The following THRB variants were observed in gnomAD, a reference collection of about 807,000 sequenced individuals.
THRB encodes thyroid hormone receptor beta.
A neutral mutation model predicts 47.8 loss-of-function variants in THRB; 12 were observed. That is an observed-to-expected ratio of 0.25 (90% CI 0.16 to 0.41). The LOEUF is 0.41. Ranked by LOEUF, THRB falls within the 10% of genes least tolerant of loss-of-function variation. THRB has a pLI of 1.00. For missense variants in THRB, 348 were observed against 589.2 expected, an observed-to-expected ratio of 0.59 and a Z score of 4.24; for synonymous variants, 218 against 212.2, an observed-to-expected ratio of 1.03 and a Z score of -0.24.
At chr3:24,162,702 A>G (rs935358206) in intron 5 of THRB, among the ~76,000 whole-genome samples, 2 of 151,368 alleles carry the variant, frequency 1.3e-5, no homozygotes, top group Non-Finnish European at 2.9e-5. Context: ...AAAAAAAAAA[A>G]CTTTGTAGAA....
intron 1 of THRB, among the ~76,000 whole-genome samples, chr3:24,468,858 A>G (rs554387277): frequency 1.3e-5 from 2 of 152,230 alleles, no homozygotes; most frequent in East Asian, 3.9e-4. Context: ...CTTGACGCAT[A>G]GTTGCCACAA....
chr3:24,291,456 G>A (rs2055909308), intron 3 of THRB, among the ~76,000 whole-genome samples: 2 of 151,646 alleles, frequency 1.3e-5, no homozygotes, highest in Non-Finnish European at 2.9e-5. Flanking sequence ...GACCTCCCTT[G>A]GACACCAGAG....
intron 1 of THRB, among the ~76,000 whole-genome samples, chr3:24,440,685 CAGA>C (rs1174433000): frequency 6.6e-6 from 1 of 151,946 alleles, no homozygotes; most frequent in Non-Finnish European, 1.5e-5. Context: ...AATATAATTT[CAGA>C]ATAAAAAGAT....
At chr3:24,398,926 T>C (rs1390320848) in intron 1 of THRB, among the ~76,000 whole-genome samples, 1 of 152,094 alleles carries the variant, frequency 6.6e-6, no homozygotes, top group Non-Finnish European at 1.5e-5. Flanking sequence ...ATGTCCTTTG[T>C]AGGGAGATGG....
At chr3:24,199,954 CT>C (rs2044398987) in intron 4 of THRB, among the ~76,000 whole-genome samples, 2 of 152,166 alleles carry the variant, frequency 1.3e-5, no homozygotes, top group Non-Finnish European at 1.5e-5. Context: ...TGGGAAAATA[CT>C]TTCCGGAGGA....
At chr3:24,251,122 T>C (rs2050625851) in intron 3 of THRB, among the ~76,000 whole-genome samples, 1 of 152,070 alleles carries the variant, frequency 6.6e-6, no homozygotes, top group Non-Finnish European at 1.5e-5. Flanking sequence ...AAAGAGTAAA[T>C]AGAAGCCTTA....
chr3:24,163,004 T>C (rs2039106374), intron 5 of THRB, among the ~76,000 whole-genome samples: 1 of 152,170 alleles, frequency 6.6e-6, no homozygotes, highest in Non-Finnish European at 1.5e-5. Flanking sequence ...TTATCTATTG[T>C]GAATAGATAA....
chr3:24,355,493 A>T (rs1376018045), intron 1 of THRB, among the ~76,000 whole-genome samples: 1 of 152,202 alleles, frequency 6.6e-6, no homozygotes, highest in African/African-American at 2.4e-5. Flanking sequence ...AGTATGTATC[A>T]ATGTTGAATT....
chr3:24,286,311 A>G (rs2055290397), intron 3 of THRB, among the ~76,000 whole-genome samples: 1 of 152,222 alleles, frequency 6.6e-6, no homozygotes, highest in Admixed American at 6.5e-5. Flanking sequence ...TGCTTTCATA[A>G]AACAATAACT....
intron 5 of THRB, among the ~76,000 whole-genome samples, chr3:24,168,911 C>A (rs1449877): frequency 0.52 from 78,349 of 151,536 alleles, 20,570 homozygotes; most frequent in Admixed American, 0.61. Flanking sequence ...CCAGGGATGG[C>A]TTCACAGAAG....
chr3:24,460,326 G>A (rs189287702), intron 1 of THRB, among the ~76,000 whole-genome samples: 4 of 152,218 alleles, frequency 2.6e-5, no homozygotes, highest in Admixed American at 2.6e-4. Context: ...ACATCATCAG[G>A]AACATCACAG....
chr3:24,142,250 T>C (rs190062617), intron 8 of THRB, among the ~76,000 whole-genome samples: 1 of 152,312 alleles, frequency 6.6e-6, no homozygotes, highest in East Asian at 1.9e-4. Flanking sequence ...ACAGGATTGG[T>C]ATAGGAAGTT....
At chr3:24,413,175 C>A (rs2068451991) in intron 1 of THRB, among the ~76,000 whole-genome samples, 1 of 151,816 alleles carries the variant, frequency 6.6e-6, no homozygotes, top group South Asian at 2.1e-4. Context: ...TAGTCAATTT[C>A]TTATGTTCAA....
At chr3:24,431,918 A>C (rs2070464621) in intron 1 of THRB, among the ~76,000 whole-genome samples, 1 of 152,136 alleles carries the variant, frequency 6.6e-6, no homozygotes, top group Admixed American at 6.6e-5. Context: ...TACCATTTTT[A>C]TAAAACCCAC....
chr3:24,146,576 T>C, intron 7 of THRB, 99 bp downstream of exon 7: 1 of 1,279,368 alleles, frequency 7.8e-7, no homozygotes, highest in Non-Finnish European at 1.1e-6. Context: ...CTCTGTCTTC[T>C]TGGGTTCCTG....
intron 1 of THRB, among the ~76,000 whole-genome samples, chr3:24,414,530 C>T (rs1054562040): frequency 4.6e-5 from 7 of 151,794 alleles, no homozygotes; most frequent in Admixed American, 1.3e-4. Context: ...CTTAGCCATC[C>T]GGACATAGCC....
rs893648535 is a variant in THRB, at chr3:24,162,183, T to C, written c.284-9693A>G. Among the ~76,000 whole-genome samples the C allele has an allele frequency of 1.6e-4, 24 of 152,094 alleles. 1 individual carries two copies. Among genetic ancestry groups the C allele is most frequent in the Admixed American group, 1.2e-3 (19 of 15,270 alleles). Reference sequence around the variant, plus strand: ...CACCCACAAAAGGATTTTTTTTTTTTTTTAAAGAAAGAAAAGAGAAAAAAA... The same window carrying C: ...CACCCACAAAAGGATTTTTTTTTTTCTTTAAAGAAAGAAAAGAGAAAAAAA... On this transcript the variant is annotated intron_variant, in intron 5 of 10. Transcript: ENST00000646209.
intron 3 of THRB, among the ~76,000 whole-genome samples, chr3:24,246,614 C>T (rs1021320420): frequency 1.3e-5 from 2 of 152,200 alleles, no homozygotes; most frequent in African/African-American, 4.8e-5. Context: ...AATTCTGCAA[C>T]AATTAATAGG....
intron 5 of THRB, among the ~76,000 whole-genome samples, chr3:24,178,753 T>C (rs1278631862): frequency 6.6e-6 from 1 of 152,078 alleles, no homozygotes; most frequent in Non-Finnish European, 1.5e-5. Flanking sequence ...AGAATGGTGA[T>C]AACTAAGGTC....
Sources: allele counts gnomAD v4.1 joint callset (sites outside exome capture counted in the v4.1 genomes callset), GRCh38; gene constraint gnomAD v4.1.1; transcripts MANE v1.5; gene names NCBI Gene and HGNC (gene_info 2026-07-23, HGNC 2026-07-21).